Variants in TBCD observed in about 807,000 individuals in gnomAD.
The protein encoded by TBCD is tubulin folding cofactor D.
TBCD carries 105 observed loss-of-function variants against 169.3 expected under a neutral mutation model. That is an observed-to-expected ratio of 0.62 (90% confidence interval 0.53 to 0.73). The LOEUF is 0.73. TBCD is among the 30% of genes least tolerant of loss of function. TBCD has a pLI of 0.00. For missense variants in TBCD, 1,444 were observed against 1,600.1 expected (o/e 0.90, Z 1.66); for synonymous variants, 700 against 643.9 (o/e 1.09, Z -1.32).
At chr17:82,830,882 A>G (rs188432541) in intron 13 of TBCD, 125 of 1,612,726 alleles carry the variant, frequency 7.8e-5, no homozygotes, top group Admixed American at 8.3e-5. Flanking sequence ...TTGAGGCTAG[A>G]AGAAGCCAAG....
At chr17:82,877,107 T>C (rs1056706612) in intron 14 of TBCD, 14 of 545,440 alleles carry the variant, frequency 2.6e-5, no homozygotes, top group Admixed American at 6.4e-5. Context: ...GTGTAACATG[T>C]GACCTTTCAG....
At chr17:82,780,518 G>C (rs916907295) in intron 6 of TBCD, among the ~76,000 whole-genome samples, 2 of 151,860 alleles carry the variant, frequency 1.3e-5, no homozygotes, top group African/African-American at 4.8e-5. Flanking sequence ...CCAGCTACTC[G>C]AGAGGCTGAG....
chr17:82,870,565 A>C (rs538379607), intron 14 of TBCD, among the ~76,000 whole-genome samples, 185 bp downstream of exon 14: 38 of 152,342 alleles, frequency 2.5e-4, no homozygotes, highest in South Asian at 1.7e-3. Flanking sequence ...CAACCAGAGC[A>C]GAAGTGTGTG....
At chr17:82,780,575 A>G (rs954228393) in intron 6 of TBCD, among the ~76,000 whole-genome samples, 1 of 151,282 alleles carries the variant, frequency 6.6e-6, no homozygotes, top group Admixed American at 6.6e-5. Context: ...CAGTGAGTCA[A>G]GATCACACCA....
Position 82,756,264 on chromosome 17 carries a change from G to C in TBCD, c.235+49G>C, listed in dbSNP as rs1483244242. Reference sequence around the variant, plus strand: ...TGATCATTCAGTTACAGATGACCACGGAGGCCTTGGTGTGTGGTGCTGGCA... The same window carrying C: ...TGATCATTCAGTTACAGATGACCACCGAGGCCTTGGTGTGTGGTGCTGGCA... On this transcript the variant is annotated intron_variant, in intron 2 of 38. Coordinates refer to ENST00000355528, the MANE Select transcript of TBCD (RefSeq NM_005993.5). The C allele has an allele frequency of 1.9e-6, 3 of 1,550,300 alleles. No individual in the cohort carries two copies. In the Admixed American group the frequency reaches 5.5e-5, roughly 29 times the overall value.
chr17:82,892,939 A>G (rs894851544), intron 16 of TBCD: 5 of 152,200 alleles, frequency 3.3e-5, no homozygotes, highest in African/African-American at 1.2e-4. Flanking sequence ...CGCCTCTCCC[A>G]TGTCAGAGCC....
intron 19 of TBCD, among the ~76,000 whole-genome samples, chr17:82,904,754 A>C (rs576969958): frequency 9.9e-5 from 15 of 152,216 alleles, no homozygotes; most frequent in African/African-American, 3.4e-4. Flanking sequence ...GGGCTCGTTC[A>C]TTCCTAAGGG....
At chr17:82,855,425 C>T (rs1459284374) in intron 13 of TBCD, among the ~76,000 whole-genome samples, 1 of 151,452 alleles carries the variant, frequency 6.6e-6, no homozygotes, top group African/African-American at 2.4e-5. Flanking sequence ...TGCTACCGTG[C>T]CCGGCTAATT....
chr17:82,895,303 C>T (rs2059400729), intron 17 of TBCD, among the ~76,000 whole-genome samples: 1 of 152,188 alleles, frequency 6.6e-6, no homozygotes, highest in South Asian at 2.1e-4. Flanking sequence ...CACCCTAGTA[C>T]CGCGGGGCCC....
In TBCD at chr17:82,864,635, G is replaced by A. The variant is rs951043788; in HGVS notation, c.1319-5589G>A. Among the ~76,000 whole-genome samples, 24 of 152,226 alleles carry A rather than the reference G, an allele frequency of 1.6e-4. No homozygotes were observed. The highest frequency in any genetic ancestry group is 5.3e-4 in the African/African-American group (22 of 41,466). ...GGGATCTTGGTTCACAGGCACAGGT[G>A]GGGAGAGTTGCTGGGCCAGCGTGGC... On this transcript the variant is annotated intron_variant, in intron 13 of 38. Transcript: ENST00000355528. The surrounding 1 kb of genome is among the most constrained non-coding windows in gnomAD (Gnocchi z 6.3).
chr17:82,834,781 C>T (rs557107507), intron 13 of TBCD, among the ~76,000 whole-genome samples: 103 of 152,230 alleles, frequency 6.8e-4, no homozygotes, highest in African/African-American at 2.4e-3. Flanking sequence ...GGGCTTAAAA[C>T]CTAGATGATC....
At chr17:82,853,236 C>T (rs552708616) in intron 13 of TBCD, among the ~76,000 whole-genome samples, 18 of 152,232 alleles carry the variant, frequency 1.2e-4, no homozygotes, top group Admixed American at 4.6e-4. Context: ...TGTGCCACCA[C>T]GCCCAGCTAA....
intron 7 of TBCD, among the ~76,000 whole-genome samples, chr17:82,784,135 A>C (rs899026904): frequency 6.6e-6 from 1 of 152,020 alleles, no homozygotes; most frequent in African/African-American, 2.4e-5. Flanking sequence ...AAAAAAAAAC[A>C]GAAAAAACAA....
At chr17:82,905,150 C>T (rs2060149816) in intron 19 of TBCD, among the ~76,000 whole-genome samples, 1 of 152,204 alleles carries the variant, frequency 6.6e-6, no homozygotes, top group Non-Finnish European at 1.5e-5. Context: ...GGCACCACCC[C>T]TGGGGGCAGC....
Position 82,832,880 on chromosome 17 carries a change from G to T in TBCD, c.1318+17946G>T, listed in dbSNP as rs1483360166. On this transcript the variant is annotated intron_variant, in intron 13 of 38. Transcript: ENST00000355528. This position sits in a 1 kb window ranked among gnomAD's most constrained non-coding sequence, Gnocchi z 4.9. ...TCTGATCTGAAAGAGTCACCTCGGG[G>T]CCTAGAGGTGGAGTGTGGTGTGTGG... Among the ~76,000 whole-genome samples the T allele has an allele frequency of 2.0e-5, 3 of 152,234 alleles. No homozygotes were observed. Among genetic ancestry groups the T allele is most frequent in the Admixed American group, 6.5e-5 (1 of 15,290 alleles).
intron 13 of TBCD, among the ~76,000 whole-genome samples, chr17:82,822,476 G>A (rs1346310541): frequency 6.6e-6 from 1 of 152,222 alleles, no homozygotes; most frequent in African/African-American, 2.4e-5. Flanking sequence ...GCATCTCAAA[G>A]AGGAACGAAG....
Position 82,884,332 on chromosome 17 carries a change from A to T in TBCD, c.1533+130A>T. On this transcript the variant is annotated intron_variant, in intron 15 of 38. Transcript: ENST00000355528. The surrounding 1 kb of genome is among the most constrained non-coding windows in gnomAD (Gnocchi z 4.2). Reference sequence around the variant, plus strand: ...AGCAGGAGCCGCGAGGGAGCTGCTGAGAGTGCCAGCTGCGGGCAGGCCACT... The same window carrying T: ...AGCAGGAGCCGCGAGGGAGCTGCTGTGAGTGCCAGCTGCGGGCAGGCCACT... 1.2e-6 allele frequency: 1 copy of T among 847,012 alleles called. No individual in the cohort carries two copies. The highest frequency in any genetic ancestry group is 1.9e-6 in the Non-Finnish European group (1 of 521,702). 52.5% of individuals were successfully genotyped at this position (847,012 alleles called of 1,614,324 possible).
chr17:82,893,131 C>T (rs546182919), intron 16 of TBCD: 63 of 186,088 alleles, frequency 3.4e-4, no homozygotes, highest in African/African-American at 1.3e-3. Flanking sequence ...CAGGCCTGCT[C>T]GCTCTGGTGT....
intron 1 of TBCD, 124 bp downstream of exon 1, chr17:82,752,501 C>G (rs1031469893): frequency 1.1e-5 from 9 of 788,256 alleles, no homozygotes; most frequent in African/African-American, 1.9e-5. Context: ...TGCCGGTGCG[C>G]GGTCCCGCGG....
Sources: gnomAD v4.1 joint callset for allele counts (sites outside exome capture counted in the v4.1 genomes callset) on GRCh38, gnomAD v4.1.1 for gene constraint, Gnocchi (gnomAD v3.1) non-coding constraint, MANE v1.5 for transcripts, NCBI Gene and HGNC (gene_info 2026-07-23, HGNC 2026-07-21) for gene names.